SV2C: variants seen among roughly 807,000 people sequenced by gnomAD.
The protein encoded by SV2C is synaptic vesicle glycoprotein 2C, also known as solute carrier family 22 member B3.
Under a neutral mutation model 79.7 loss-of-function variants are expected in SV2C, and 49 were observed. The observed-to-expected ratio is 0.61, with a 90% CI of 0.49 to 0.78. The LOEUF is 0.78. SV2C is among the 30% of genes least tolerant of loss of function. The probability of loss-of-function intolerance (pLI) is 0.00; values close to 1 mark genes in which losing one functional copy is unlikely to be tolerated. For synonymous variants in SV2C, 334 were observed against 333.2 expected (o/e 1.00, Z -0.03); for missense variants, 833 against 912.9 (o/e 0.91, Z 1.13).
At chr5:75,937,028 GT>G in the SV2C span, among the ~76,000 whole-genome samples, 1 of 151,256 alleles carries the variant, frequency 6.6e-6, no homozygotes, top group Non-Finnish European at 1.5e-5. Flanking sequence ...TTGTCAAAAC[GT>G]TAAACCCTCT....
At chr5:76,062,153 G>T in the SV2C span, among the ~76,000 whole-genome samples, 1 of 151,944 alleles carries the variant, frequency 6.6e-6, no homozygotes, top group East Asian at 1.9e-4. Flanking sequence ...TGGAAAGGAG[G>T]GGATGAGAAG....
rs1749134498 is a variant in SV2C at position 76,330,155 on chromosome 5, T to C, written c.*4608T>C. The C allele has an allele frequency of 6.6e-6, 1 of 152,140 alleles. No individual in the cohort carries two copies. Among genetic ancestry groups the C allele is most frequent in the African/African-American group, 2.4e-5 (1 of 41,426 alleles). 9.4% of individuals were successfully genotyped at this position (152,140 alleles called of 1,614,324 possible). On this transcript the variant is annotated 3_prime_UTR_variant, in exon 13 of 13. Transcript: ENST00000502798. ...TGGCGTAACAGTTCTCCGTGTGATGTTCTTTTGCTCTAAATGTTGACCATT... is the reference window on the plus strand; with the variant it reads ...TGGCGTAACAGTTCTCCGTGTGATGCTCTTTTGCTCTAAATGTTGACCATT...
chr5:76,351,143 T>C (rs1352224171), intron 12 of SV2C, among the ~76,000 whole-genome samples: 1 of 152,164 alleles, frequency 6.6e-6, no homozygotes, highest in Non-Finnish European at 1.5e-5. Context: ...GCCATTGACC[T>C]GAATAACAAC....
chr5:75,969,285 G>A, the SV2C span, among the ~76,000 whole-genome samples: 798 of 152,108 alleles, frequency 5.2e-3, 6 homozygotes, highest in Middle Eastern at 0.02. Flanking sequence ...CAAAATAACT[G>A]GCTAACATCA....
In SV2C at chr5:76,176,972, G is replaced by A. The variant is rs552866532; in HGVS notation, c.581-17947G>A. 5.9e-5 allele frequency among the ~76,000 whole-genome samples: 9 copies of A among 151,784 alleles called. No individual in the cohort carries two copies. The East Asian group carries it at 7.8e-4, about 13-fold the overall frequency. On this transcript the variant is annotated intron_variant, in intron 2 of 12. Coordinates refer to ENST00000502798, the MANE Select transcript of SV2C (RefSeq NM_014979.4). ...CTACTAAAAATACAAAAAATTAGCC[G>A]AGCACGGTGGCGGGCGTCTGTAGTC...
chr5:75,872,212 C>T, the SV2C span, among the ~76,000 whole-genome samples: 1 of 149,744 alleles, frequency 6.7e-6, no homozygotes, highest in Non-Finnish European at 1.5e-5. Context: ...ATATATAGGG[C>T]CAATATGAGA....
chr5:76,037,873 G>A, the SV2C span, among the ~76,000 whole-genome samples: 5 of 152,318 alleles, frequency 3.3e-5, no homozygotes, highest in Admixed American at 2.0e-4. Context: ...TGATCTGACT[G>A]CTGTGCTAGC....
chr5:76,010,404 T>C, the SV2C span, among the ~76,000 whole-genome samples: 1 of 152,166 alleles, frequency 6.6e-6, no homozygotes, highest in Non-Finnish European at 1.5e-5. Flanking sequence ...AATTGGTTAA[T>C]GTGCGTGTTC....
chr5:75,995,144 G>A, the SV2C span, among the ~76,000 whole-genome samples: 35 of 152,106 alleles, frequency 2.3e-4, no homozygotes, highest in African/African-American at 8.2e-4. Context: ...TGTGAGGGCA[G>A]ATCTTCTTTA....
chr5:75,979,649 G>A, the SV2C span, among the ~76,000 whole-genome samples: 1 of 151,768 alleles, frequency 6.6e-6, no homozygotes, highest in African/African-American at 2.4e-5. Flanking sequence ...ATGAAATTAA[G>A]GCAGAAATCA....
At chr5:75,881,821 C>T in the SV2C span, among the ~76,000 whole-genome samples, 2 of 149,330 alleles carry the variant, frequency 1.3e-5, no homozygotes, top group African/African-American at 5.1e-5. Flanking sequence ...CTGGCCAGAA[C>T]TTCCAACACT....
the SV2C span, among the ~76,000 whole-genome samples, chr5:75,949,218 G>T: frequency 6.6e-6 from 1 of 152,000 alleles, no homozygotes; most frequent in African/African-American, 2.4e-5. Flanking sequence ...CCAGTGCCAT[G>T]CTTCCTGTAC....
chr5:76,265,948 A>G (rs758820224), intron 4 of SV2C, among the ~76,000 whole-genome samples: 2 of 152,018 alleles, frequency 1.3e-5, no homozygotes, highest in Non-Finnish European at 2.9e-5. Flanking sequence ...CTCAAGACTG[A>G]TTTTTTTAAT....
At chr5:75,884,067 T>C in the SV2C span, among the ~76,000 whole-genome samples, 2 of 152,172 alleles carry the variant, frequency 1.3e-5, no homozygotes, top group South Asian at 4.1e-4. Context: ...AAAGTGATTT[T>C]GGATGCTATT....
intron 1 of SV2C, among the ~76,000 whole-genome samples, chr5:76,097,371 A>G (rs1747599912): frequency 6.6e-6 from 1 of 152,194 alleles, no homozygotes; most frequent in African/African-American, 2.4e-5. Flanking sequence ...AGAGTTGTTC[A>G]TCATTTCTGC....
At chr5:76,261,767 C>T (rs974328970) in intron 4 of SV2C, among the ~76,000 whole-genome samples, 1 of 152,190 alleles carries the variant, frequency 6.6e-6, no homozygotes, top group Admixed American at 6.5e-5. Flanking sequence ...ATATGTTGAA[C>T]CAGCCTTGCT....
chr5:76,100,008 GC>G (rs1747685446), intron 1 of SV2C, among the ~76,000 whole-genome samples: 2 of 152,110 alleles, frequency 1.3e-5, no homozygotes, highest in African/African-American at 4.8e-5. Context: ...CAGCAAATTG[GC>G]CAAAATATTT....
At chr5:76,220,789 T>G (rs953617129) in intron 4 of SV2C, among the ~76,000 whole-genome samples, 3 of 152,152 alleles carry the variant, frequency 2.0e-5, no homozygotes, top group African/African-American at 7.2e-5. Context: ...ATTCCTTTTT[T>G]CTTACTGCTC....
chr5:76,300,142 G>T (rs770574893), intron 10 of SV2C, among the ~76,000 whole-genome samples: 1 of 130,138 alleles, frequency 7.7e-6, no homozygotes, highest in South Asian at 2.5e-4. Flanking sequence ...AGCTCACTGC[G>T]GCCTCAAATA....
Sources: gnomAD v4.1 joint callset for allele counts (sites outside exome capture counted in the v4.1 genomes callset) on GRCh38, gnomAD v4.1.1 for gene constraint, MANE v1.5 for transcripts, NCBI Gene and HGNC (gene_info 2026-07-23, HGNC 2026-07-21) for gene names.